Variants in CPSF4 observed in about 807,000 individuals in gnomAD.
CPSF4 encodes the protein cleavage and polyadenylation specificity factor subunit 4.
Under a neutral mutation model 37.7 loss-of-function variants are expected in CPSF4, and 11 were observed. The ratio of observed to expected loss-of-function variants is 0.29; its 90% CI spans 0.18 to 0.48. The LOEUF is 0.48. CPSF4 is among the 20% of genes least tolerant of loss of function. The pLI, the probability that CPSF4 is intolerant of heterozygous loss-of-function variation, is 0.99. For synonymous variants in CPSF4, 132 were observed against 135.9 expected (o/e 0.97, Z 0.20); for missense variants, 144 against 359.5 (o/e 0.40, Z 4.85).
intron 1 of CPSF4, chr7:99,443,195 C>T (rs775497056): frequency 2.6e-6 from 2 of 781,786 alleles, no homozygotes; most frequent in Admixed American, 3.4e-5. Context: ...ATTGTTCGGC[C>T]CTCTTCTGCA....
intron 1 of CPSF4, among the ~76,000 whole-genome samples, chr7:99,444,060 T>G (rs1037159028): frequency 6.6e-6 from 1 of 152,236 alleles, no homozygotes; most frequent in Non-Finnish European, 1.5e-5. Context: ...TCAGAGGCCC[T>G]GATTGTCTGT....
chr7:99,449,484 A>G (rs1242759530), intron 3 of CPSF4, among the ~76,000 whole-genome samples: 2 of 152,226 alleles, frequency 1.3e-5, no homozygotes, highest in Non-Finnish European at 2.9e-5. Context: ...CCGCTATACA[A>G]GTGGCCTGAG....
At chr7:99,440,945 G>GT (rs1796923992) in intron 1 of CPSF4, among the ~76,000 whole-genome samples, 1 of 133,538 alleles carries the variant, frequency 7.5e-6, no homozygotes, top group African/African-American at 2.9e-5. Flanking sequence ...GCCTTTTCCT[G>GT]TCTTTTTTTT....
chr7:99,456,177 G>A (rs992595869), intron 7 of CPSF4, among the ~76,000 whole-genome samples: 7 of 152,244 alleles, frequency 4.6e-5, no homozygotes, highest in Non-Finnish European at 8.8e-5. Flanking sequence ...CTAGCAGGTC[G>A]CCTTCTGGCG....
At chr7:99,446,997 G>A (rs1465177049) in intron 2 of CPSF4, among the ~76,000 whole-genome samples, 2 of 151,202 alleles carry the variant, frequency 1.3e-5, no homozygotes, top group Non-Finnish European at 2.9e-5. Context: ...CATTATGTTG[G>A]CCAGGCTGGT....
chr7:99,441,460 C>T, intron 1 of CPSF4: 1 of 456,250 alleles, frequency 2.2e-6, no homozygotes. Context: ...TCGGTAGGCA[C>T]CCTCCACACT....
intron 1 of CPSF4, among the ~76,000 whole-genome samples, chr7:99,440,655 C>CGCATATATATATATAT (rs1363427698): frequency 1.0e-3 from 90 of 90,304 alleles, no homozygotes; most frequent in South Asian, 1.9e-3. Context: ...CTGCACCTGG[C>CGCATATATATATATAT]ATATATATAT....
chr7:99,449,321 C>G (rs1797775170), intron 3 of CPSF4: 1 of 152,364 alleles, frequency 6.6e-6, no homozygotes, highest in African/African-American at 2.4e-5. Context: ...AGCTTCCCAG[C>G]TCCCCAAGTG....
intron 2 of CPSF4, among the ~76,000 whole-genome samples, chr7:99,446,404 C>T (rs1797496305): frequency 2.0e-5 from 3 of 152,166 alleles, no homozygotes; most frequent in Admixed American, 2.0e-4. Context: ...TCACATGGGG[C>T]TAGCAGCTGC....
Position 99,456,501 on chromosome 7 carries a change from C to T in CPSF4, c.*1C>T, listed in dbSNP as rs544242270. The stretch of plus-strand genomic sequence containing the variant: ...CTTGGCCTTTCTCAGTGGACAGTGA[C>T]AGCAGCTGGAGCCAGCTCCGAGCAG... On this transcript the variant is annotated 3_prime_UTR_variant, in exon 8 of 8. Coordinates refer to ENST00000292476, the MANE Select transcript of CPSF4 (RefSeq NM_006693.4). 3 of 1,614,022 alleles carry T rather than the reference C, an allele frequency of 1.9e-6. No individual in the cohort carries two copies. Among genetic ancestry groups the T allele is most frequent in the Admixed American group, 1.7e-5 (1 of 60,018 alleles).
rs1426896996 is a variant in CPSF4, at chr7:99,448,719, G to A, written c.307+446G>A. 2 of 156,196 alleles carry A rather than the reference G, an allele frequency of 1.3e-5. No homozygotes were observed. Among genetic ancestry groups the A allele is most frequent in the Non-Finnish European group, 2.8e-5 (2 of 70,750 alleles). 9.7% of individuals were successfully genotyped at this position (156,196 alleles called of 1,614,324 possible). A position where few individuals can be genotyped will look rare whatever the true frequency, so the allele number is the denominator to read the frequency against. The stretch of plus-strand genomic sequence containing the variant: ...AGCTGGCTGCATTATGTCCGTGGTT[G>A]GTTTCTGTCCACGTCCACCTTCTCC... On this transcript the variant is annotated intron_variant, in intron 3 of 7. Transcript: ENST00000292476. This position sits in a 1 kb window ranked among gnomAD's most constrained non-coding sequence, Gnocchi z 4.4.
intron 7 of CPSF4, 71 bp from the exon 8 acceptor site, chr7:99,456,361 T>G (rs774475017): frequency 7.1e-7 from 1 of 1,406,536 alleles, no homozygotes; most frequent in South Asian, 1.2e-5. Flanking sequence ...GGGCACTCCC[T>G]TAGTTGAAAA....
rs956092169 is a variant in CPSF4 at position 99,454,153 on chromosome 7, G to C, written c.741+17G>C. 6.2e-7 allele frequency: 1 copy of C among 1,608,250 alleles called. No individual in the cohort carries two copies. Among genetic ancestry groups the C allele is most frequent in the Non-Finnish European group, 8.5e-7 (1 of 1,176,394 alleles). On this transcript the variant is annotated intron_variant, in intron 7 of 7. Coordinates refer to ENST00000292476, the MANE Select transcript of CPSF4 (RefSeq NM_006693.4). ...TGTTACAAGGTGAGTCCCTGGGCTGGGGGACAGGGTGGGGTCTTCCCTTAC... is the reference window on the plus strand; with the variant it reads ...TGTTACAAGGTGAGTCCCTGGGCTGCGGGACAGGGTGGGGTCTTCCCTTAC...
At chr7:99,445,585 TCAG>T (rs1247835203) in intron 2 of CPSF4, among the ~76,000 whole-genome samples, 2 of 152,100 alleles carry the variant, frequency 1.3e-5, no homozygotes, top group Non-Finnish European at 2.9e-5. Flanking sequence ...GGCTAATCCA[TCAG>T]AAGTATCACT....
intron 1 of CPSF4, among the ~76,000 whole-genome samples, chr7:99,440,674 A>ATATATATATATATATGTTTTTTTT: frequency 3.4e-5 from 3 of 88,088 alleles, no homozygotes; most frequent in African/African-American, 9.7e-5. Flanking sequence ...ATATATATAT[A>ATATATATATATATATGTTTTTTTT]TTTTTTTTTT....
intron 1 of CPSF4, among the ~76,000 whole-genome samples, chr7:99,442,655 C>CAAAAAAAAA (rs751146641): frequency 5.2e-4 from 27 of 52,326 alleles, no homozygotes; most frequent in African/African-American, 1.6e-3. Context: ...GACTCCGTCT[C>CAAAAAAAAA]AAAAAAAAAA....
chr7:99,440,666 A>ATGTT (rs1562852757), intron 1 of CPSF4, among the ~76,000 whole-genome samples: 3 of 85,396 alleles, frequency 3.5e-5, no homozygotes, highest in African/African-American at 3.1e-4. Flanking sequence ...ATATATATAT[A>ATGTT]TATATATATT....
intron 7 of CPSF4, among the ~76,000 whole-genome samples, chr7:99,455,189 G>T (rs987726833): frequency 2.0e-5 from 3 of 152,220 alleles, no homozygotes; most frequent in African/African-American, 7.2e-5. Flanking sequence ...GCCTTAGAAA[G>T]GTAGGGCTGA....
Position 99,448,282 on chromosome 7 carries a change from C to T in CPSF4, c.307+9C>T, listed in dbSNP as rs186621987. ...CTTCTACTCCAAGTTCGGTAAGGCG[C>T]CTGGAGCCCTGGAGGCTCTGCTGAG... is the stretch of plus-strand genomic sequence containing the variant. On this transcript the variant is annotated intron_variant, in intron 3 of 7. Transcript: ENST00000292476. This position sits in a 1 kb window ranked among gnomAD's most constrained non-coding sequence, Gnocchi z 4.4. The T allele has an allele frequency of 2.5e-6, 4 of 1,613,692 alleles. No homozygotes were observed. In the East Asian group the frequency reaches 6.7e-5, roughly 27 times the overall value.
Sources: allele counts gnomAD v4.1 joint callset (sites outside exome capture counted in the v4.1 genomes callset), GRCh38; gene constraint gnomAD v4.1.1; non-coding constraint Gnocchi (gnomAD v3.1); transcripts MANE v1.5; gene names NCBI Gene and HGNC (gene_info 2026-07-23, HGNC 2026-07-21).